The following RELN variants were observed in gnomAD, a reference collection of about 807,000 sequenced individuals.
RELN encodes reelin.
A neutral mutation model predicts 427.6 loss-of-function variants in RELN; 108 were observed. The ratio of observed to expected loss-of-function variants is 0.25; its 90% confidence interval spans 0.22 to 0.30. The LOEUF is 0.30. Among genes scored for constraint, RELN ranks in the 10% least tolerant of loss-of-function variants. The pLI is 1.00. For missense variants in RELN, 3,715 were observed against 4,302.8 expected, an observed-to-expected ratio of 0.86 and a Z score of 3.82; for synonymous variants, 1,524 against 1,513.4, an observed-to-expected ratio of 1.01 and a Z score of -0.16.
In RELN at chr7:103,553,714, A is replaced by C; in HGVS notation, c.5915T>G (p.Phe1972Cys). Reference sequence around the variant, plus strand: ...AAGACCGATGTTACCACCAGGATAGAAAAACCAATTGTCTTCTCTGGGCCC... The same window carrying C: ...AAGACCGATGTTACCACCAGGATAGCAAAACCAATTGTCTTCTCTGGGCCC... ...DFGPREDNWF[F>C]YPGGNIGLYC... The change falls in exon 39 of 65, where the codon TTC becomes TGC. Residue 1972 changes from phenylalanine to cysteine, a missense_variant. By Grantham distance (205) the Phe-to-Cys change is radical (BLOSUM62 -2). Around this residue, in one of 4 missense-constraint regions of RELN, gnomAD observed 1,310 missense variants for 1,643.0 expected, o/e 0.80. Transcript: ENST00000428762. 1.9e-6 allele frequency: 3 copies of C among 1,614,196 alleles called. No individual in the cohort carries two copies. The highest frequency in any genetic ancestry group is 2.5e-6 in the Non-Finnish European group (3 of 1,180,012).
chr7:103,716,344 C>T (rs1019672951), intron 8 of RELN, among the ~76,000 whole-genome samples: 1 of 152,194 alleles, frequency 6.6e-6, no homozygotes. Flanking sequence ...ACCTCCTCCC[C>T]TCTATTTGAT....
At chr7:103,549,009 C>T (rs567209458) in intron 41 of RELN, among the ~76,000 whole-genome samples, 29 of 152,192 alleles carry the variant, frequency 1.9e-4, no homozygotes, top group African/African-American at 5.8e-4. Context: ...TCTTTAGGGT[C>T]GTTCGTTTTC....
At chr7:103,618,042 A>C (rs1432755483) in intron 20 of RELN, among the ~76,000 whole-genome samples, 1 of 152,158 alleles carries the variant, frequency 6.6e-6, no homozygotes, top group Non-Finnish European at 1.5e-5. Flanking sequence ...CTTCTTGTAC[A>C]GTCTGCAGAA....
intron 8 of RELN, among the ~76,000 whole-genome samples, chr7:103,722,555 G>A (rs1284032296): frequency 6.6e-6 from 1 of 152,086 alleles, no homozygotes; most frequent in Non-Finnish European, 1.5e-5. Context: ...TAATAGAATA[G>A]ACAGCAGAAC....
intron 6 of RELN, among the ~76,000 whole-genome samples, chr7:103,747,631 C>G (rs1016509214): frequency 7.0e-6 from 1 of 143,640 alleles, no homozygotes. Context: ...TTTCACCGTT[C>G]CCTACTCTCA....
intron 57 of RELN, among the ~76,000 whole-genome samples, chr7:103,494,394 G>GTGTGTGTGTGTGTGTGTGTGTGAGT (rs774896895): frequency 7.4e-6 from 1 of 134,452 alleles, no homozygotes; most frequent in African/African-American, 3.0e-5. Flanking sequence ...TGTGTGTGTG[G>GTGTGTGTGTGTGTGTGTGTGTGAGT]GATATGGTCT....
At chr7:103,984,375 G>A (rs1302533977) in intron 1 of RELN, among the ~76,000 whole-genome samples, 2 of 152,004 alleles carry the variant, frequency 1.3e-5, no homozygotes, top group Non-Finnish European at 2.9e-5. Context: ...CATTTTCAAT[G>A]CAAATAAAAC....
chr7:103,674,256 A>G (rs1351744207), intron 11 of RELN, among the ~76,000 whole-genome samples: 1 of 152,114 alleles, frequency 6.6e-6, no homozygotes, highest in Non-Finnish European at 1.5e-5. Context: ...TTCCTCATAA[A>G]ATTTGTTCTA....
At chr7:103,578,298 G>T (rs1289690871) in intron 28 of RELN, among the ~76,000 whole-genome samples, 1 of 152,036 alleles carries the variant, frequency 6.6e-6, no homozygotes, top group Non-Finnish European at 1.5e-5. Flanking sequence ...AAAGACCCCA[G>T]GAGCTCAGTA....
chr7:103,696,931 T>TCA (rs1376137202), intron 10 of RELN, among the ~76,000 whole-genome samples: 1 of 152,176 alleles, frequency 6.6e-6, no homozygotes, highest in Non-Finnish European at 1.5e-5. Flanking sequence ...ACTGGCCATA[T>TCA]CTTCAAACTT....
At chr7:103,826,267 A>T (rs2116386861) in intron 3 of RELN, among the ~76,000 whole-genome samples, 1 of 151,390 alleles carries the variant, frequency 6.6e-6, no homozygotes, top group African/African-American at 2.4e-5. Context: ...TATTGTTTAT[A>T]AATGATCCTG....
Position 103,856,206 on chromosome 7 carries a change from G to A in RELN, c.338-22534C>T, listed in dbSNP as rs202045868. ...CTTGCCTAAAATACAAGGTATAATA[G>A]AATATAATGCCACATAAAACGGGGG... On this transcript the variant is annotated intron_variant, in intron 2 of 64. Transcript: ENST00000428762. Among the ~76,000 whole-genome samples, 4 of 152,188 alleles carry A rather than the reference G, an allele frequency of 2.6e-5. No individual in the cohort carries two copies. The East Asian group carries it at 5.8e-4, about 22-fold the overall frequency.
chr7:103,689,752 G>A (rs529152277), intron 10 of RELN, among the ~76,000 whole-genome samples: 1 of 152,208 alleles, frequency 6.6e-6, no homozygotes, highest in African/African-American at 2.4e-5. Flanking sequence ...ATTGTCCCTG[G>A]GTTCTCTGCG....
intron 51 of RELN, among the ~76,000 whole-genome samples, chr7:103,510,448 C>T (rs939107130): frequency 7.2e-5 from 11 of 152,072 alleles, no homozygotes; most frequent in African/African-American, 1.9e-4. Flanking sequence ...GAGAACACAT[C>T]GCCACAGGGA....
At chr7:103,579,601 A>AC (rs60258631) in intron 28 of RELN, among the ~76,000 whole-genome samples, 3,141 of 145,750 alleles carry the variant, frequency 0.022, 88 homozygotes, top group African/African-American at 0.068. Flanking sequence ...TCCATCTCCA[A>AC]AAAAAAAAAA....
intron 1 of RELN, among the ~76,000 whole-genome samples, chr7:103,954,797 T>G (rs1390661469): frequency 6.6e-6 from 1 of 152,174 alleles, no homozygotes. Flanking sequence ...CATGAGTTAT[T>G]AATCTAGATA....
In RELN at chr7:103,768,713, G is replaced by A. The variant is rs553252597; in HGVS notation, c.544+7844C>T. Among the ~76,000 whole-genome samples, 8 of 152,248 alleles carry A rather than the reference G, an allele frequency of 5.3e-5. No homozygotes were observed. The South Asian group carries it at 1.7e-3, about 32-fold the overall frequency. ...AAATCATGGTTCCTGCCTTCAAAAA[G>A]CGCTCAGTTGGGGGAAATGAGTGTT... On this transcript the variant is annotated intron_variant, in intron 4 of 64. Coordinates refer to ENST00000428762, the MANE Select transcript of RELN (RefSeq NM_005045.4).
intron 3 of RELN, among the ~76,000 whole-genome samples, chr7:103,830,349 T>A (rs572292787): frequency 2.6e-5 from 4 of 151,932 alleles, no homozygotes; most frequent in Non-Finnish European, 5.9e-5. Context: ...ATGGTATGAG[T>A]TAACTAGTAA....
chr7:103,604,237 G>C, intron 23 of RELN, 109 bp downstream of exon 23: 1 of 1,287,522 alleles, frequency 7.8e-7, no homozygotes, highest in Non-Finnish European at 1.1e-6. Flanking sequence ...TTTTGGCTAT[G>C]TCATTATTTA....
Sources: allele counts gnomAD v4.1 joint callset (sites outside exome capture counted in the v4.1 genomes callset), GRCh38; gene constraint gnomAD v4.1.1; regional missense constraint gnomAD v4.1.1; transcripts MANE v1.5; gene names NCBI Gene and HGNC (gene_info 2026-07-23, HGNC 2026-07-21).